The following MEI1 variants were observed in gnomAD, a reference collection of about 807,000 sequenced individuals.
The protein encoded by MEI1 is meiosis inhibitor protein 1.
Under a neutral mutation model 146.2 loss-of-function variants are expected in MEI1, and 103 were observed. The ratio of observed to expected loss-of-function variants is 0.70; its 90% confidence interval spans 0.60 to 0.83. The LOEUF is 0.83. Ranked by LOEUF, MEI1 falls within the 40% of genes least tolerant of loss-of-function variation. MEI1 has a pLI of 0.00. For synonymous variants in MEI1, 652 were observed against 628.2 expected (o/e 1.04, Z -0.57); for missense variants, 1,529 against 1,533.0 (o/e 1.00, Z 0.04).
Position 41,715,457 on chromosome 22 carries a change from G to A in MEI1, c.424-584G>A, listed in dbSNP as rs1484574812. 5.3e-5 allele frequency among the ~76,000 whole-genome samples: 8 copies of A among 150,730 alleles called. 1 individual carries two copies. The South Asian group carries it at 8.4e-4, about 16-fold the overall frequency. ...GTTTCCCAGGCTGGAGTGCAGTGGC[G>A]CAATCTTGGCTCACTGCAAGCTCCG... is the stretch of plus-strand genomic sequence containing the variant. On this transcript the variant is annotated intron_variant, in intron 4 of 30. Coordinates refer to ENST00000401548, the MANE Select transcript of MEI1 (RefSeq NM_152513.4).
At chr22:41,710,009 C>G (rs2069411149) in intron 3 of MEI1, among the ~76,000 whole-genome samples, 1 of 151,914 alleles carries the variant, frequency 6.6e-6, no homozygotes, top group Admixed American at 6.6e-5. Flanking sequence ...GAAGCCCTAA[C>G]TCTCAGAACC....
intron 30 of MEI1, among the ~76,000 whole-genome samples, chr22:41,798,836 C>T (rs1222808890): frequency 6.7e-6 from 1 of 150,188 alleles, no homozygotes; most frequent in Non-Finnish European, 1.5e-5. Context: ...GATTGTGCCA[C>T]TGCACACTCC....
intron 1 of MEI1, among the ~76,000 whole-genome samples, chr22:41,702,336 T>C (rs1181652166): frequency 6.6e-6 from 1 of 152,082 alleles, no homozygotes; most frequent in Non-Finnish European, 1.5e-5. Flanking sequence ...AGAAGAGGTT[T>C]CACCATGTTG....
At chr22:41,743,953 T>G (rs948138130) in intron 12 of MEI1, among the ~76,000 whole-genome samples, 1 of 152,074 alleles carries the variant, frequency 6.6e-6, no homozygotes, top group African/African-American at 2.4e-5. Flanking sequence ...CTCGACTCAC[T>G]GCAACCTCCG....
At chr22:41,728,479 C>A (rs2071559917) in intron 7 of MEI1, among the ~76,000 whole-genome samples, 1 of 152,182 alleles carries the variant, frequency 6.6e-6, no homozygotes, top group African/African-American at 2.4e-5. Flanking sequence ...TGGCTCATGC[C>A]TGTAATCCCA....
chr22:41,748,576 TTAA>T (rs1242686904), intron 15 of MEI1, among the ~76,000 whole-genome samples: 2 of 152,182 alleles, frequency 1.3e-5, no homozygotes, highest in East Asian at 3.8e-4. Context: ...CGACTAATTA[TTAA>T]TAATAACTAA....
intron 3 of MEI1, among the ~76,000 whole-genome samples, chr22:41,710,918 A>C (rs751428265): frequency 2.0e-5 from 3 of 152,180 alleles, no homozygotes; most frequent in Non-Finnish European, 4.4e-5. Context: ...CGTGTTGTTG[A>C]GCCCAGCGCA....
At chr22:41,790,812 C>T (rs112917417) in intron 26 of MEI1, among the ~76,000 whole-genome samples, 1 of 152,060 alleles carries the variant, frequency 6.6e-6, no homozygotes, top group Non-Finnish European at 1.5e-5. Context: ...AGGTTGGTCT[C>T]GAACTCCTGA....
chr22:41,739,153 A>AT (rs2072647378), intron 11 of MEI1, among the ~76,000 whole-genome samples: 1 of 151,888 alleles, frequency 6.6e-6, no homozygotes, highest in African/African-American at 2.4e-5. Flanking sequence ...AAAAAAAAAA[A>AT]ATTAGCTGGG....
intron 18 of MEI1, among the ~76,000 whole-genome samples, chr22:41,759,632 A>AAATAAATAAAT (rs1569268709): frequency 0.019 from 2,613 of 135,628 alleles, 65 homozygotes; most frequent in African/African-American, 0.049. Context: ...TCCGTCTCAA[A>AAATAAATAAAT]AAATAAATAA....
intron 13 of MEI1, 36 bp from the exon 14 acceptor site, chr22:41,745,849 G>T (rs1344540925): frequency 6.4e-7 from 1 of 1,563,022 alleles, no homozygotes; most frequent in Non-Finnish European, 8.7e-7. Context: ...AGGTTGCATA[G>T]GTGGTAGTGG....
intron 11 of MEI1, among the ~76,000 whole-genome samples, chr22:41,738,704 G>A (rs2147692049): frequency 6.6e-6 from 1 of 151,776 alleles, no homozygotes; most frequent in South Asian, 2.1e-4. Flanking sequence ...CCAGGGAGTT[G>A]GAGGTTGCAG....
chr22:41,744,984 C>T lies in MEI1; in HGVS notation c.1458C>T (p.Ser486=), dbSNP rs938210958. The T allele has an allele frequency of 1.3e-6, 2 of 1,555,816 alleles. No individual in the cohort carries two copies. The highest frequency in any genetic ancestry group is 1.7e-6 in the Non-Finnish European group (2 of 1,149,012). Residue 486 remains serine (S), a synonymous_variant, in exon 13 of 31, where the codon TCC becomes TCT. Transcript: ENST00000401548. ...CCTTCCCACCTCAGGGCCATGCCTC[C>T]AGTAGAGATTCAGAGAAGGCCATTC... ...LLSRRPLGHA[S]SRDSEKAILQ...
chr22:41,771,351 G>T (rs569127847), intron 20 of MEI1, among the ~76,000 whole-genome samples: 28 of 152,324 alleles, frequency 1.8e-4, no homozygotes, highest in Middle Eastern at 3.4e-3. Context: ...ATGGCAGAGG[G>T]ACTCCTCCTC....
intron 12 of MEI1, 47 bp downstream of exon 12, chr22:41,743,241 G>GT: frequency 7.2e-7 from 1 of 1,394,560 alleles, no homozygotes; most frequent in East Asian, 2.3e-5. Flanking sequence ...GCTGCAGTGT[G>GT]TTTTTAGAAA....
At chr22:41,757,577 G>A (rs1463808315) in intron 17 of MEI1, among the ~76,000 whole-genome samples, 4 of 151,910 alleles carry the variant, frequency 2.6e-5, no homozygotes, top group Non-Finnish European at 4.4e-5. Context: ...AGCTGGTCTT[G>A]AACTCCTGAC....
intron 11 of MEI1, among the ~76,000 whole-genome samples, chr22:41,740,144 C>A (rs8139144): frequency 0.083 from 12,521 of 151,744 alleles, 1,216 homozygotes; most frequent in African/African-American, 0.24. Flanking sequence ...CTTAGCCTCG[C>A]GAGTAGCTGG....
intron 15 of MEI1, among the ~76,000 whole-genome samples, chr22:41,750,434 A>C (rs866191652): frequency 3.3e-5 from 5 of 152,230 alleles, no homozygotes; most frequent in Non-Finnish European, 7.3e-5. Flanking sequence ...TTTTGGCCAC[A>C]TTGGCCGGAG....
At chr22:41,755,767 A>G (rs775247106) in intron 17 of MEI1, among the ~76,000 whole-genome samples, 23 of 152,100 alleles carry the variant, frequency 1.5e-4, no homozygotes, top group Non-Finnish European at 2.9e-4. Context: ...TATTTGTTTC[A>G]TTATTATTAT....
Sources: gnomAD v4.1 joint callset for allele counts (sites outside exome capture counted in the v4.1 genomes callset) on GRCh38, gnomAD v4.1.1 for gene constraint, MANE v1.5 for transcripts, NCBI Gene and HGNC (gene_info 2026-07-23, HGNC 2026-07-21) for gene names.